The following BARD1 variants were observed in gnomAD, a reference collection of about 807,000 sequenced individuals.
BARD1 encodes BRCA1 associated RING domain 1.
In BARD1, 73 loss-of-function variants were observed where a neutral mutation model predicts 77.0. The ratio of observed to expected loss-of-function variants is 0.95; its 90% CI spans 0.79 to 1.15. The LOEUF is 1.15. Among genes scored for constraint, BARD1 ranks in the 50% most tolerant of loss-of-function variants. The pLI is 0.00. For synonymous variants in BARD1, 384 were observed against 338.0 expected (o/e 1.14, Z -1.49); for missense variants, 993 against 938.8 (o/e 1.06, Z -0.75).
chr2:214,729,127 G>T (rs2075623), intron 10 of BARD1, 119 bp from the exon 11 acceptor site: 2 of 1,221,336 alleles, frequency 1.6e-6, no homozygotes, highest in Admixed American at 2.4e-5. Flanking sequence ...AACATTTGGA[G>T]GAGAAGCATT....
chr2:214,791,739 A>G (rs1196987466), intron 3 of BARD1, among the ~76,000 whole-genome samples: 1 of 152,200 alleles, frequency 6.6e-6, no homozygotes, highest in Non-Finnish European at 1.5e-5. Flanking sequence ...GTCGTATTCT[A>G]TCTTGGGAAA....
chr2:214,802,754 GA>G (rs1339480813), intron 1 of BARD1, among the ~76,000 whole-genome samples: 1 of 152,024 alleles, frequency 6.6e-6, no homozygotes, highest in Non-Finnish European at 1.5e-5. Context: ...ATATTAGATA[GA>G]AAAAATCCAA....
chr2:214,740,272 A>C (rs1410258089), intron 9 of BARD1, among the ~76,000 whole-genome samples: 1 of 152,112 alleles, frequency 6.6e-6, no homozygotes, highest in Non-Finnish European at 1.5e-5. Context: ...CTGTTGTATC[A>C]GATGGGAGGA....
chr2:214,776,344 T>C (rs1694736867), intron 4 of BARD1, among the ~76,000 whole-genome samples: 1 of 152,166 alleles, frequency 6.6e-6, no homozygotes, highest in African/African-American at 2.4e-5. Flanking sequence ...TTCTATTGGG[T>C]TGGTGCAAAA....
intron 5 of BARD1, among the ~76,000 whole-genome samples, chr2:214,768,879 T>A (rs1694340341): frequency 6.6e-6 from 1 of 152,196 alleles, no homozygotes; most frequent in Non-Finnish European, 1.5e-5. Context: ...TATACTCAGT[T>A]CCTCCGACCT....
intron 7 of BARD1, among the ~76,000 whole-genome samples, chr2:214,751,263 T>C (rs1020053950): frequency 7.0e-6 from 1 of 142,994 alleles, no homozygotes; most frequent in Non-Finnish European, 1.5e-5. Flanking sequence ...GTTCAATCAA[T>C]TATCGTGCCT....
At chr2:214,761,862 T>C (rs1476292113) in intron 6 of BARD1, among the ~76,000 whole-genome samples, 1 of 152,230 alleles carries the variant, frequency 6.6e-6, no homozygotes, top group African/African-American at 2.4e-5. Context: ...ACTATCATCA[T>C]TATTGCATCA....
intron 7 of BARD1, among the ~76,000 whole-genome samples, chr2:214,746,590 CCA>C (rs1491240701): frequency 7.9e-6 from 1 of 126,180 alleles, no homozygotes; most frequent in African/African-American, 2.8e-5. Flanking sequence ...CAATATATGT[CCA>C]TATATATATA....
intron 3 of BARD1, among the ~76,000 whole-genome samples, chr2:214,787,752 A>G (rs1245454098): frequency 6.6e-6 from 1 of 152,022 alleles, no homozygotes; most frequent in Non-Finnish European, 1.5e-5. Flanking sequence ...TTTTCTTACA[A>G]TTTAATAATC....
rs2106102533 is a variant in BARD1 at position 214,778,283 on chromosome 2, A to G, written c.1314+2277T>C. On this transcript the variant is annotated intron_variant, in intron 4 of 10. Coordinates refer to ENST00000260947, the MANE Select transcript of BARD1 (RefSeq NM_000465.4). ...TGATTTTAAGGATATATTTATTAAA[A>G]TAAAGCTAAGGCGAGAGGCATACAT... is the stretch of plus-strand genomic sequence containing the variant. 2.6e-5 allele frequency among the ~76,000 whole-genome samples: 4 copies of G among 151,236 alleles called. No individual in the cohort carries two copies. In the Admixed American group the frequency reaches 2.6e-4, roughly 10 times the overall value.
chr2:214,766,806 T>C (rs891615249), intron 6 of BARD1, among the ~76,000 whole-genome samples: 1 of 152,248 alleles, frequency 6.6e-6, no homozygotes, highest in Admixed American at 6.5e-5. Flanking sequence ...TATCGTAGTG[T>C]TATTTTTTTT....
intron 6 of BARD1, among the ~76,000 whole-genome samples, chr2:214,765,232 A>AT (rs1694142768): frequency 6.6e-6 from 1 of 152,202 alleles, no homozygotes; most frequent in Non-Finnish European, 1.5e-5. Context: ...AGGAACAGAT[A>AT]TACCTAAATT....
intron 6 of BARD1, among the ~76,000 whole-genome samples, chr2:214,765,117 G>C (rs1348587182): frequency 6.6e-6 from 1 of 152,162 alleles, no homozygotes; most frequent in Non-Finnish European, 1.5e-5. Context: ...GGTAGCAATA[G>C]CTAATTTTCA....
intron 7 of BARD1, among the ~76,000 whole-genome samples, chr2:214,747,773 G>T (rs1172436477): frequency 6.7e-6 from 1 of 149,666 alleles, no homozygotes; most frequent in East Asian, 2.0e-4. Flanking sequence ...GAGTTAATGG[G>T]TGCAGCACAC....
intron 1 of BARD1, among the ~76,000 whole-genome samples, chr2:214,797,820 G>A (rs999557906): frequency 2.0e-5 from 3 of 152,190 alleles, no homozygotes; most frequent in Non-Finnish European, 2.9e-5. Flanking sequence ...GATTAGCAGT[G>A]TGTCTGCAGA....
In BARD1 at chr2:214,767,467, C is replaced by T. The variant is rs145936354; in HGVS notation, c.1568+15G>A. On this transcript the variant is annotated intron_variant, in intron 6 of 10. Transcript: ENST00000260947. ...AGGTCCATTTTAAAAATAATTTTTA[C>T]GTTGAACTACTTACACAGCATTTCT... 1.8e-5 allele frequency: 29 copies of T among 1,610,120 alleles called. No individual in the cohort carries two copies. Among genetic ancestry groups the T allele is most frequent in the East Asian group, 4.5e-5 (2 of 44,842 alleles).
intron 7 of BARD1, among the ~76,000 whole-genome samples, chr2:214,749,577 TTAAAG>T (rs898155495): frequency 4.6e-5 from 7 of 152,044 alleles, no homozygotes; most frequent in Admixed American, 4.6e-4. Context: ...CTTGACACAT[TTAAAG>T]TAATCATTTT....
intron 4 of BARD1, among the ~76,000 whole-genome samples, chr2:214,779,167 C>G (rs1694865921): frequency 6.6e-6 from 1 of 152,096 alleles, no homozygotes; most frequent in African/African-American, 2.4e-5. Context: ...TGTAAGGTCC[C>G]TGCCTCACTG....
rs543565980 is a variant in BARD1, at chr2:214,773,272, C to T, written c.1315-3960G>A. On this transcript the variant is annotated intron_variant, in intron 4 of 10. Coordinates refer to ENST00000260947, the MANE Select transcript of BARD1 (RefSeq NM_000465.4). ...ACATATTCATAAAAACAATACAGAACGTTACAATTAAGTATAAGACAAATG... is the reference window on the plus strand; with the variant it reads ...ACATATTCATAAAAACAATACAGAATGTTACAATTAAGTATAAGACAAATG... Among the ~76,000 whole-genome samples the T allele has an allele frequency of 3.3e-4, 50 of 152,154 alleles. 1 individual carries two copies. The highest frequency in any genetic ancestry group is 1.1e-3 in the African/African-American group (47 of 41,436).
Sources: gnomAD v4.1 joint callset for allele counts (sites outside exome capture counted in the v4.1 genomes callset) on GRCh38, gnomAD v4.1.1 for gene constraint, MANE v1.5 for transcripts, NCBI Gene and HGNC (gene_info 2026-07-23, HGNC 2026-07-21) for gene names.